Variants in NR1I2 observed in about 807,000 individuals in gnomAD.
The protein encoded by NR1I2 is nuclear receptor subfamily 1 group I member 2.
In NR1I2, 42 loss-of-function variants were observed where a neutral mutation model predicts 43.3. That is an observed-to-expected ratio of 0.97 (90% CI 0.76 to 1.26). The LOEUF is 1.26. Ranked by LOEUF, NR1I2 falls within the 50% of genes most tolerant of loss-of-function variation. The pLI, the probability that NR1I2 is intolerant of heterozygous loss-of-function variation, is 0.00. For missense variants in NR1I2, 559 were observed against 566.7 expected, an observed-to-expected ratio of 0.99 and a Z score of 0.14; for synonymous variants, 229 against 215.0, an observed-to-expected ratio of 1.06 and a Z score of -0.57.
At chr3:119,807,531 C>A in intron 2 of NR1I2, 84 bp downstream of exon 2, 1 of 1,224,390 alleles carries the variant, frequency 8.2e-7, no homozygotes, top group Non-Finnish European at 1.2e-6. Context: ...ACCTGTCCCC[C>A]AGGTTCAGAG....
chr3:119,796,850 A>T (rs2055007115), intron 1 of NR1I2, among the ~76,000 whole-genome samples: 1 of 152,208 alleles, frequency 6.6e-6, no homozygotes, highest in Admixed American at 6.5e-5. Flanking sequence ...CTTCATGCCC[A>T]AAGCCATGTC....
At chr3:119,802,764 G>C (rs566393360) in intron 1 of NR1I2, among the ~76,000 whole-genome samples, 3 of 152,138 alleles carry the variant, frequency 2.0e-5, no homozygotes, top group Non-Finnish European at 4.4e-5. Context: ...CTGGGTTTTT[G>C]TCATAAGAGT....
intron 2 of NR1I2, among the ~76,000 whole-genome samples, chr3:119,807,901 G>A (rs902480726): frequency 6.6e-6 from 1 of 152,182 alleles, no homozygotes; most frequent in Admixed American, 6.5e-5. Context: ...ACCCTCCGGA[G>A]GGCACAGGGT....
intron 1 of NR1I2, among the ~76,000 whole-genome samples, chr3:119,802,007 C>T (rs1159670068): frequency 1.3e-5 from 2 of 152,170 alleles, no homozygotes; most frequent in East Asian, 1.9e-4. Context: ...AGCTACCAGG[C>T]TTCTTATAGC....
chr3:119,788,442 A>G (rs1355833348), intron 1 of NR1I2, among the ~76,000 whole-genome samples: 3 of 150,098 alleles, frequency 2.0e-5, no homozygotes. Context: ...TTATTTATTT[A>G]TTTTCATTTG....
intron 1 of NR1I2, chr3:119,792,240 A>T: frequency 3.9e-6 from 6 of 1,538,714 alleles, no homozygotes; most frequent in Non-Finnish European, 5.3e-6. Context: ...AGAACTAATC[A>T]CCCAGAGAGA....
rs2055311300 is a variant in NR1I2, at chr3:119,815,416, A to G, written c.1031A>G (p.Gln344Arg). ...CATGAGGAGGAGTATGTGCTGATGC[A>G]GGCCATCTCCCTCTTCTCCCCAGGT... The change falls in exon 7 of 9, where the codon CAG becomes CGG. Residue 344 changes from glutamine to arginine, a missense_variant. Physicochemically the swap from Gln to Arg is conservative, Grantham distance 43 (BLOSUM62 1). Around this residue, in one of 3 missense-constraint regions of NR1I2, gnomAD observed 323 missense variants for 312.2 expected, o/e 1.03. Transcript: ENST00000393716. The G allele has an allele frequency of 6.2e-7, 1 of 1,612,772 alleles. No individual in the cohort carries two copies. The highest frequency in any genetic ancestry group is 8.5e-7 in the Non-Finnish European group (1 of 1,179,868).
chr3:119,785,095 A>G (rs2054826713), intron 1 of NR1I2, among the ~76,000 whole-genome samples: 1 of 152,126 alleles, frequency 6.6e-6, no homozygotes, highest in African/African-American at 2.4e-5. Flanking sequence ...TTTCTTTGCC[A>G]TTCAGCATAA....
intron 3 of NR1I2, 56 bp downstream of exon 3, chr3:119,810,250 AC>A: frequency 6.5e-7 from 1 of 1,548,896 alleles, no homozygotes; most frequent in Non-Finnish European, 8.7e-7. Context: ...CTGAGTAAGG[AC>A]GTGCCGTGGG....
chr3:119,788,228 C>A (rs1480510445), intron 1 of NR1I2, among the ~76,000 whole-genome samples: 1 of 152,092 alleles, frequency 6.6e-6, no homozygotes, highest in Non-Finnish European at 1.5e-5. Flanking sequence ...ATCCTCCCGC[C>A]TCAGCCCCCC....
intron 1 of NR1I2, among the ~76,000 whole-genome samples, chr3:119,785,245 A>G (rs2054829012): frequency 6.6e-6 from 1 of 152,146 alleles, no homozygotes; most frequent in Non-Finnish European, 1.5e-5. Context: ...CCTGATTTCC[A>G]TTTTTATTTT....
At position 119,815,122 on chromosome 3, in the gene NR1I2, G is replaced by T; in HGVS notation, c.937+1G>T. 6.2e-7 allele frequency: 1 copy of T among 1,614,180 alleles called. No homozygotes were observed. Among genetic ancestry groups the T allele is most frequent in the South Asian group, 1.1e-5 (1 of 91,084 alleles). ...TCCTACTGCTTGGAAGACACTGCAG[G>T]TGCCCGAGAGAGCCTGCCTGCCCTG... On this transcript the variant is annotated splice_donor_variant, in intron 6 of 8. Transcript: ENST00000393716. LOFTEE classifies it high-confidence loss of function.
intron 1 of NR1I2, among the ~76,000 whole-genome samples, chr3:119,798,433 T>A (rs541763016): frequency 6.6e-6 from 1 of 152,246 alleles, no homozygotes; most frequent in East Asian, 1.9e-4. Flanking sequence ...TAAAGTCTAA[T>A]CATTTAAGTG....
Position 119,817,905 on chromosome 3 carries a change from T to C in NR1I2, c.*693T>C, listed in dbSNP as rs2055352382. ...GTAGCCTGCTGTGGGGTATACAGCA[T>C]TGACTCAGATATAGATCCTGAGCTC... On this transcript the variant is annotated 3_prime_UTR_variant, in exon 9 of 9. Coordinates refer to ENST00000393716, the MANE Select transcript of NR1I2 (RefSeq NM_003889.4). The C allele has an allele frequency of 3.1e-6, 3 of 981,134 alleles. No individual in the cohort carries two copies. The African/African-American group carries it at 5.2e-5, about 17-fold the overall frequency. 60.8% of individuals were successfully genotyped at this position (981,134 alleles called of 1,614,324 possible). A position where few individuals can be genotyped will look rare whatever the true frequency, so the allele number is the denominator to read the frequency against.
intron 1 of NR1I2, among the ~76,000 whole-genome samples, chr3:119,796,854 C>T (rs948454228): frequency 6.6e-6 from 1 of 152,352 alleles, no homozygotes; most frequent in East Asian, 1.9e-4. Flanking sequence ...ATGCCCAAAG[C>T]CATGTCAGCC....
At chr3:119,789,303 A>G (rs2054885871) in intron 1 of NR1I2, among the ~76,000 whole-genome samples, 1 of 151,054 alleles carries the variant, frequency 6.6e-6, no homozygotes, top group Admixed American at 6.6e-5. Flanking sequence ...TTGCTGATAA[A>G]GACATACCTG....
chr3:119,809,497 C>G (rs1381506878), intron 2 of NR1I2, among the ~76,000 whole-genome samples: 2 of 150,960 alleles, frequency 1.3e-5, no homozygotes, highest in African/African-American at 4.9e-5. Flanking sequence ...TTCACCCCTT[C>G]CTCCCTGGCC....
chr3:119,802,845 T>C, intron 1 of NR1I2: 1 of 456,560 alleles, frequency 2.2e-6, no homozygotes, highest in South Asian at 1.6e-5. Flanking sequence ...ACATGTCTGT[T>C]GAGCAATATG....
In NR1I2 at chr3:119,782,460, G is replaced by A. The variant is rs2276706; in HGVS notation, c.-23+160G>A. Among the ~76,000 whole-genome samples the A allele has an allele frequency of 0.35, 52,640 of 148,734 alleles. 9,439 individuals are homozygous for A. Among genetic ancestry groups the A allele is most frequent in the Middle Eastern group, 0.44 (129 of 294 alleles). On this transcript the variant is annotated intron_variant, in intron 1 of 8. Transcript: ENST00000393716. ...CTGCTGTCTCCTCATTTCTAGGGTG[G>A]AAAAAAAAAAGCATGAAAACAATCA...
Sources: gnomAD v4.1 joint callset for allele counts (sites outside exome capture counted in the v4.1 genomes callset) on GRCh38, gnomAD v4.1.1 for gene constraint, gnomAD v4.1.1 regional missense constraint, MANE v1.5 for transcripts, NCBI Gene and HGNC (gene_info 2026-07-23, HGNC 2026-07-21) for gene names.